Variants in CAD observed in about 807,000 individuals in gnomAD.
CAD encodes the protein carbamoyl-phosphate synthetase 2, aspartate transcarbamylase, and dihydroorotase, also known as multifunctional protein CAD.
CAD carries 81 observed loss-of-function variants against 237.2 expected under a neutral mutation model. That is an observed-to-expected ratio of 0.34 (90% CI 0.29 to 0.41). The LOEUF is 0.41. Among genes scored for constraint, CAD ranks in the 10% least tolerant of loss-of-function variants. The probability of loss-of-function intolerance (pLI) is 1.00; values close to 1 mark genes in which losing one functional copy is unlikely to be tolerated. For synonymous variants in CAD, 1,196 were observed against 1,162.8 expected (o/e 1.03, Z -0.58); for missense variants, 2,181 against 2,951.7 (o/e 0.74, Z 6.05).
chr2:27,239,855 C>G lies in CAD; in HGVS notation c.5496+57C>G. 2.5e-6 allele frequency: 3 copies of G among 1,219,880 alleles called. No individual in the cohort carries two copies. The East Asian group carries it at 7.3e-5, about 30-fold the overall frequency. The allele number at this position is 1,219,880 out of a possible 1,614,324, so 75.6% of individuals were successfully genotyped here. ...GGTGTTAGTCTCAGGGCAGGATGAA[C>G]AGCTTGAACATTTTCATTGGTGGTT... On this transcript the variant is annotated intron_variant, in intron 34 of 43. Transcript: ENST00000264705. The surrounding 1 kb of genome is among the most constrained non-coding windows in gnomAD (Gnocchi z 4.0).
At chr2:27,221,431 C>G (rs1008944749) in intron 3 of CAD, 84 bp downstream of exon 3, 7 of 1,226,718 alleles carry the variant, frequency 5.7e-6, no homozygotes, top group Non-Finnish European at 7.4e-6. Context: ...TCTGCTGGGA[C>G]CTGACTCTAA....
Position 27,226,634 on chromosome 2 carries a change from C to T in CAD, c.2141C>T (p.Pro714Leu). The change falls in exon 14 of 44, where the codon CCT becomes CTT. Residue 714 changes from proline (P) to leucine (L), a missense_variant. By Grantham distance (98) the Pro-to-Leu change is moderately conservative. This residue lies in a region of CAD where 385 missense variants were observed against 535.1 expected (regional missense o/e 0.72). Transcript: ENST00000264705. Reference sequence around the variant, plus strand: ...GCAGCCAAGCTAGCATTGGGCATCCCTTTGCCTGAGCTCAGGTACGAGGAT... The same window carrying T: ...GCAGCCAAGCTAGCATTGGGCATCCTTTTGCCTGAGCTCAGGTACGAGGAT... ...YVAAKLALGIPLPELRNSVTG... is the reference protein window; with the variant it reads ...YVAAKLALGILLPELRNSVTG... 3 of 1,614,128 alleles carry T rather than the reference C, an allele frequency of 1.9e-6. No homozygotes were observed. Among genetic ancestry groups the T allele is most frequent in the South Asian group, 1.1e-5 (1 of 91,078 alleles).
rs749123379 is a variant in CAD, at chr2:27,222,183, T to C, written c.353-11T>C. On this transcript the variant is annotated splice_polypyrimidine_tract_variant and intron_variant, in intron 3 of 43. Coordinates refer to ENST00000264705, the MANE Select transcript of CAD (RefSeq NM_004341.5). ...AGGAATGTGATCCCTAAGACTGTGC[T>C]ATTTTGACAGGAGTAGACACTCGGG... The C allele has an allele frequency of 6.2e-7, 1 of 1,612,480 alleles. No individual in the cohort carries two copies. The highest frequency in any genetic ancestry group is 1.1e-5 in the South Asian group (1 of 91,030).
Position 27,232,113 on chromosome 2 carries a change from C to G in CAD, c.2534C>G (p.Ala845Gly). The change falls in exon 17 of 44, where the codon GCA becomes GGA. Residue 845 changes from alanine to glycine, a missense_variant. Ala to Gly is a moderately conservative substitution (Grantham distance 60). Transcript: ENST00000264705. The surrounding 1 kb of genome is among the most constrained non-coding windows in gnomAD (Gnocchi z 4.1). The part of the protein sequence containing the change: ...WFLHRMKRII[A>G]HAQLLEQHRG... ...CTGCACCGAATGAAGCGTATCATCG[C>G]ACATGCCCAGCTGCTAGAACAACAC... The G allele has an allele frequency of 6.2e-7, 1 of 1,614,252 alleles. No individual in the cohort carries two copies. Among genetic ancestry groups the G allele is most frequent in the Non-Finnish European group, 8.5e-7 (1 of 1,180,054 alleles).
At chr2:27,229,208 A>G (rs1675602652) in intron 15 of CAD, among the ~76,000 whole-genome samples, 1 of 151,888 alleles carries the variant, frequency 6.6e-6, no homozygotes. Flanking sequence ...ATGAGTCACC[A>G]TGCCCGGCCG....
chr2:27,224,915 G>T, intron 10 of CAD, 39 bp downstream of exon 10: 1 of 1,613,714 alleles, frequency 6.2e-7, no homozygotes, highest in Non-Finnish European at 8.5e-7. Flanking sequence ...AGAGGACTGG[G>T]CAGGGGGGCC....
intron 6 of CAD, 111 bp downstream of exon 6, chr2:27,223,148 G>C: frequency 2.5e-6 from 3 of 1,183,778 alleles, no homozygotes; most frequent in Non-Finnish European, 3.6e-6. Context: ...GAGCGGGGGG[G>C]TTGCAGGTGA....
chr2:27,233,152 G>T lies in CAD; in HGVS notation c.2991+12G>T. The T allele has an allele frequency of 6.3e-7, 1 of 1,588,718 alleles. No homozygotes were observed. Among genetic ancestry groups the T allele is most frequent in the African/African-American group, 1.3e-5 (1 of 74,512 alleles). On this transcript the variant is annotated intron_variant, in intron 19 of 43. Coordinates refer to ENST00000264705, the MANE Select transcript of CAD (RefSeq NM_004341.5). The surrounding 1 kb of genome is among the most constrained non-coding windows in gnomAD (Gnocchi z 6.3). ...AGATCTCTTTTGAGGTGAGGGAGAT[G>T]GAGGCTTCCTGGTAGCTTGAGTGGC...
chr2:27,220,518 TC>T (rs1675107887), intron 2 of CAD, among the ~76,000 whole-genome samples: 1 of 151,606 alleles, frequency 6.6e-6, no homozygotes, highest in African/African-American at 2.4e-5. Context: ...GGTGTGATGA[TC>T]CACACCTGTG....
In CAD at chr2:27,236,229, G is replaced by T; in HGVS notation, c.4075-55G>T. On this transcript the variant is annotated intron_variant, in intron 25 of 43. Coordinates refer to ENST00000264705, the MANE Select transcript of CAD (RefSeq NM_004341.5). This position sits in a 1 kb window ranked among gnomAD's most constrained non-coding sequence, Gnocchi z 4.1. ...GGCCAGCTCCTCTCCCTTAAGGCTA[G>T]CCTTCCTGACCGCTGCCAGACAGCT... The T allele has an allele frequency of 6.3e-7, 1 of 1,595,384 alleles. No individual in the cohort carries two copies. Among genetic ancestry groups the T allele is most frequent in the Non-Finnish European group, 8.6e-7 (1 of 1,169,278 alleles).
chr2:27,225,280 G>GT (rs201846488), intron 11 of CAD, 37 bp downstream of exon 11: 104 of 811,464 alleles, frequency 1.3e-4, no homozygotes, highest in Middle Eastern at 2.8e-4. Context: ...GAATGGTGGT[G>GT]TTTTTTTTGG....
chr2:27,243,085 C>A, intron 42 of CAD, 112 bp downstream of exon 42: 1 of 1,327,250 alleles, frequency 7.5e-7, no homozygotes, highest in Non-Finnish European at 1.1e-6. Flanking sequence ...TCACATCTGT[C>A]AATTGCCATA....
intron 15 of CAD, among the ~76,000 whole-genome samples, chr2:27,230,357 A>T (rs1170299931): frequency 6.7e-6 from 1 of 150,156 alleles, no homozygotes; most frequent in East Asian, 2.0e-4. Flanking sequence ...CATACCTATG[A>T]AGGGCCCGGC....
At position 27,223,648 on chromosome 2, in the gene CAD, G is replaced by C; in HGVS notation, c.895G>C (p.Val299Leu). The change falls in exon 7 of 44, where the codon GTG (valine) becomes CTG (leucine). Residue 299 changes from valine to leucine, a missense_variant. Transcript: ENST00000264705. ...GACATCCCAGAACCATGGGTTTGCT[G>C]TGGAGACAGACTCACTGCCAGCAGA... ...FLTSQNHGFAVETDSLPADWA... is the reference protein window; with the variant it reads ...FLTSQNHGFALETDSLPADWA... The C allele has an allele frequency of 6.2e-7, 1 of 1,614,150 alleles. No homozygotes were observed. The highest frequency in any genetic ancestry group is 8.5e-7 in the Non-Finnish European group (1 of 1,180,038).
Position 27,222,659 on chromosome 2 carries a change from A to C in CAD, c.636A>C (p.Gln212His). 6.2e-7 allele frequency: 1 copy of C among 1,612,706 alleles called. No individual in the cohort carries two copies. The highest frequency in any genetic ancestry group is 8.5e-7 in the Non-Finnish European group (1 of 1,178,896). The change falls in exon 5 of 44, where the codon CAA becomes CAC. Residue 212 changes from glutamine (Q) to histidine (H), a missense_variant and splice_region_variant. Gln to His is a conservative substitution (Grantham distance 24). Transcript: ENST00000264705. ...CCTGGGACCATGCACTAGACAGCCA[A>C]GGTGAGTAGCTGGGGCCTGTTCAGG... ...VVPWDHALDSQEYEGLFLSNG... is the reference protein window; with the variant it reads ...VVPWDHALDSHEYEGLFLSNG...
Position 27,233,244 on chromosome 2 carries a change from G to A in CAD, c.2992-68G>A. On this transcript the variant is annotated intron_variant, in intron 19 of 43. Coordinates refer to ENST00000264705, the MANE Select transcript of CAD (RefSeq NM_004341.5). The surrounding 1 kb of genome is among the most constrained non-coding windows in gnomAD (Gnocchi z 6.3). ...AACTTGGTGGCGGCTGAGGGAAGCAGTGAGCAGGAAGGCTCAGATTCCTGC... is the reference window on the plus strand; with the variant it reads ...AACTTGGTGGCGGCTGAGGGAAGCAATGAGCAGGAAGGCTCAGATTCCTGC... 3.9e-6 allele frequency: 6 copies of A among 1,528,106 alleles called. No individual in the cohort carries two copies. The South Asian group carries it at 4.5e-5, about 11-fold the overall frequency. 94.7% of individuals were successfully genotyped at this position (1,528,106 alleles called of 1,614,324 possible).
Position 27,235,687 on chromosome 2 carries a change from G to A in CAD, c.4074+47G>A, listed in dbSNP as rs1385843724. On this transcript the variant is annotated intron_variant, in intron 25 of 43. Coordinates refer to ENST00000264705, the MANE Select transcript of CAD (RefSeq NM_004341.5). This position sits in a 1 kb window ranked among gnomAD's most constrained non-coding sequence, Gnocchi z 5.2. Reference sequence around the variant, plus strand: ...ACCCCACTGCTGCCCTTCCCCAAGGGGGTGAAAATACTGCACCAAAGAATT... The same window carrying A: ...ACCCCACTGCTGCCCTTCCCCAAGGAGGTGAAAATACTGCACCAAAGAATT... 2.0e-6 allele frequency: 3 copies of A among 1,519,618 alleles called. No individual in the cohort carries two copies. Among genetic ancestry groups the A allele is most frequent in the Non-Finnish European group, 2.7e-6 (3 of 1,095,834 alleles). 94.1% of individuals were successfully genotyped at this position (1,519,618 alleles called of 1,614,324 possible). A position where few individuals can be genotyped will look rare whatever the true frequency, so the allele number is the denominator to read the frequency against.
intron 11 of CAD, 96 bp downstream of exon 11, chr2:27,225,339 T>C (rs1675389534): frequency 1.4e-6 from 1 of 732,632 alleles, no homozygotes; most frequent in Admixed American, 3.0e-5. Context: ...GGAGTTTCGC[T>C]CTTGTTGCGC....
Position 27,239,476 on chromosome 2 carries a change from G to A in CAD, c.5394+5G>A, listed in dbSNP as rs746332676. 2.7e-5 allele frequency: 43 copies of A among 1,612,694 alleles called. No individual in the cohort carries two copies. The highest frequency in any genetic ancestry group is 6.7e-5 in the Admixed American group (4 of 59,978). On this transcript the variant is annotated splice_donor_5th_base_variant and intron_variant, in intron 33 of 43. Coordinates refer to ENST00000264705, the MANE Select transcript of CAD (RefSeq NM_004341.5). The surrounding 1 kb of genome is among the most constrained non-coding windows in gnomAD (Gnocchi z 4.0). Reference sequence around the variant, plus strand: ...GTTGCCTATATCGATGGGCAGGTACGCAAGTAGCCCCTGCCTGATCTCAGT... The same window carrying A: ...GTTGCCTATATCGATGGGCAGGTACACAAGTAGCCCCTGCCTGATCTCAGT...
Sources: gnomAD v4.1 joint callset for allele counts (sites outside exome capture counted in the v4.1 genomes callset) on GRCh38, gnomAD v4.1.1 for gene constraint, gnomAD v4.1.1 regional missense constraint, Gnocchi (gnomAD v3.1) non-coding constraint, MANE v1.5 for transcripts, NCBI Gene and HGNC (gene_info 2026-07-23, HGNC 2026-07-21) for gene names.